The following ATP2C2 variants were observed in gnomAD, a reference collection of about 807,000 sequenced individuals.
The protein encoded by ATP2C2 is calcium-transporting ATPase type 2C member 2.
In ATP2C2, 171 loss-of-function variants were observed where a neutral mutation model predicts 110.8. The ratio of observed to expected loss-of-function variants is 1.54; its 90% confidence interval spans 1.36 to 1.75. ATP2C2 has a LOEUF of 1.75. Among genes scored for constraint, ATP2C2 ranks in the 40% most tolerant of loss-of-function variants. ATP2C2 has a pLI of 0.00. For missense variants in ATP2C2, 1,963 were observed against 1,235.0 expected (o/e 1.59, Z -8.84); for synonymous variants, 804 against 508.4 (o/e 1.58, Z -7.82).
chr16:84,441,410 C>T (rs923156518), intron 14 of ATP2C2, among the ~76,000 whole-genome samples: 1 of 152,096 alleles, frequency 6.6e-6, no homozygotes, highest in Non-Finnish European at 1.5e-5. Flanking sequence ...ATGAATTTCC[C>T]CTATTGTTAT....
At chr16:84,405,300 G>A in intron 3 of ATP2C2, 56 bp downstream of exon 3, 9 of 1,446,010 alleles carry the variant, frequency 6.2e-6, no homozygotes, top group Non-Finnish European at 8.6e-6. Flanking sequence ...CGAGGGTGGG[G>A]CAGCCATTCC....
Position 84,463,560 on chromosome 16 carries a change from G to A in ATP2C2, c.2723-54G>A, listed in dbSNP as rs149885789. ...ACTGGCAGGGAAGGCGCTTCCTGCC[G>A]GCGCAACAGAGCTGCAGCCCGTCCT... On this transcript the variant is annotated intron_variant, in intron 26 of 26. Coordinates refer to ENST00000262429, the MANE Select transcript of ATP2C2 (RefSeq NM_014861.4). 8.6e-4 allele frequency: 1,283 copies of A among 1,494,132 alleles called. 9 individuals are homozygous for A. The African/African-American group carries it at 0.011, about 13-fold the overall frequency. The allele number at this position is 1,494,132 out of a possible 1,614,324, so 92.6% of individuals were successfully genotyped here.
intron 2 of ATP2C2, among the ~76,000 whole-genome samples, chr16:84,403,075 T>A (rs1451487917): frequency 6.6e-6 from 1 of 152,212 alleles, no homozygotes; most frequent in East Asian, 1.9e-4. Context: ...GGCATATAGT[T>A]GCTCCTGGTA....
At position 84,459,153 on chromosome 16, in the gene ATP2C2, C is replaced by T. The variant is rs753276261; in HGVS notation, c.2181C>T (p.Tyr727=). Residue 727 remains tyrosine, a synonymous_variant, in exon 22 of 27, where the codon TAC becomes TAT. Transcript: ENST00000262429. ...NAVEEGKGIF[Y]NIKNFVRFQL... ...TGGAGGAAGGCAAGGGTATTTTTTA[C>T]AACATCAAAAACTTTGTCCGATTCC... 5 of 1,614,146 alleles carry T rather than the reference C, an allele frequency of 3.1e-6. No individual in the cohort carries two copies. The South Asian group carries it at 4.4e-5, about 14-fold the overall frequency.
chr16:84,459,083 G>A (rs775805571), intron 21 of ATP2C2, 37 bp from the exon 22 acceptor site: 6 of 1,609,224 alleles, frequency 3.7e-6, no homozygotes, highest in Non-Finnish European at 5.1e-6. Flanking sequence ...CCTCACGCAG[G>A]CCCGCTCCGT....
In ATP2C2 at chr16:84,447,782, AATAC is replaced by A. The variant is rs566463968; in HGVS notation, c.1504-747_1504-744del. ...ACATATAAATAATATAATGTAATAT[AATAC>A]ATATAAATAATATACAATACATATG... On this transcript the variant is annotated intron_variant, in intron 16 of 26. Coordinates refer to ENST00000262429, the MANE Select transcript of ATP2C2 (RefSeq NM_014861.4). Among the ~76,000 whole-genome samples the A allele has an allele frequency of 4.7e-3, 685 of 146,286 alleles. 6 individuals are homozygous for A. Among genetic ancestry groups the A allele is most frequent in the African/African-American group, 0.017 (658 of 39,610 alleles).
At chr16:84,405,955 G>C (rs1225039736) in intron 3 of ATP2C2, among the ~76,000 whole-genome samples, 1 of 152,198 alleles carries the variant, frequency 6.6e-6, no homozygotes, top group East Asian at 1.9e-4. Flanking sequence ...ATTTCAGATA[G>C]ATAAACAAGA....
intron 2 of ATP2C2, among the ~76,000 whole-genome samples, chr16:84,400,919 G>C (rs1905278038): frequency 6.6e-6 from 1 of 152,106 alleles, no homozygotes; most frequent in Admixed American, 6.6e-5. Context: ...CAGATTATTA[G>C]GTTTTCTCCT....
chr16:84,431,856 G>C (rs1452325792), intron 11 of ATP2C2, among the ~76,000 whole-genome samples: 1 of 152,164 alleles, frequency 6.6e-6, no homozygotes, highest in Non-Finnish European at 1.5e-5. Context: ...AGAGGCCGAA[G>C]GAAGTGGGAG....
chr16:84,427,811 C>G (rs1056622897), intron 11 of ATP2C2, among the ~76,000 whole-genome samples: 1 of 152,064 alleles, frequency 6.6e-6, no homozygotes, highest in Non-Finnish European at 1.5e-5. Context: ...TGTAGTGACT[C>G]CTAACAGTTA....
At chr16:84,413,757 C>G (rs983975874) in intron 6 of ATP2C2, among the ~76,000 whole-genome samples, 1 of 151,984 alleles carries the variant, frequency 6.6e-6, no homozygotes, top group Non-Finnish European at 1.5e-5. Context: ...TCTCTGAGAC[C>G]CATTTCCAAC....
At chr16:84,430,083 A>G (rs1040191806) in intron 11 of ATP2C2, among the ~76,000 whole-genome samples, 1 of 152,110 alleles carries the variant, frequency 6.6e-6, no homozygotes, top group African/African-American at 2.4e-5. Flanking sequence ...TAATGACCCC[A>G]TTTTTATTTG....
chr16:84,460,945 C>G lies in ATP2C2; in HGVS notation c.2481+144C>G, dbSNP rs772085697. On this transcript the variant is annotated intron_variant, in intron 24 of 26. Coordinates refer to ENST00000262429, the MANE Select transcript of ATP2C2 (RefSeq NM_014861.4). Reference sequence around the variant, plus strand: ...CCGGACAATGTGATGCCATCAGAGGCGTGGGGTGCATGAGGCAAAGGGACT... The same window carrying G: ...CCGGACAATGTGATGCCATCAGAGGGGTGGGGTGCATGAGGCAAAGGGACT... 6.6e-6 allele frequency: 8 copies of G among 1,216,160 alleles called. No homozygotes were observed. In the South Asian group the frequency reaches 1.3e-4, roughly 20 times the overall value. The allele number at this position is 1,216,160 out of a possible 1,614,324, so 75.3% of individuals were successfully genotyped here.
chr16:84,378,780 C>T (rs1341848075), intron 1 of ATP2C2, among the ~76,000 whole-genome samples: 4 of 152,126 alleles, frequency 2.6e-5, no homozygotes, highest in South Asian at 2.1e-4. Context: ...CTCAAGAAGG[C>T]GGCAGCAGAG....
rs1251595452 is a variant in ATP2C2, at chr16:84,453,462, G to A, written c.1980+91G>A. 8 of 1,528,664 alleles carry A rather than the reference G, an allele frequency of 5.2e-6. No individual in the cohort carries two copies. In the African/African-American group the frequency reaches 6.8e-5, roughly 13 times the overall value. 94.7% of individuals were successfully genotyped at this position (1,528,664 alleles called of 1,614,324 possible). On this transcript the variant is annotated intron_variant, in intron 20 of 26. Coordinates refer to ENST00000262429, the MANE Select transcript of ATP2C2 (RefSeq NM_014861.4). Reference sequence around the variant, plus strand: ...GAGCTCATGCGTCCGTCGGGTGACAGTGCAGGGCCCGACCGTGGCTTCCTT... The same window carrying A: ...GAGCTCATGCGTCCGTCGGGTGACAATGCAGGGCCCGACCGTGGCTTCCTT...
chr16:84,395,430 C>T (rs910838594), intron 1 of ATP2C2, among the ~76,000 whole-genome samples: 1 of 151,518 alleles, frequency 6.6e-6, no homozygotes, highest in Non-Finnish European at 1.5e-5. Context: ...GCTAGTCCTG[C>T]CCTCAAAGGC....
At chr16:84,433,747 C>T (rs1242033560) in intron 11 of ATP2C2, among the ~76,000 whole-genome samples, 8 of 152,108 alleles carry the variant, frequency 5.3e-5, no homozygotes, top group Non-Finnish European at 1.2e-4. Flanking sequence ...GTCTTATAAG[C>T]CATGAGAAGC....
chr16:84,379,469 C>G (rs1033631805), intron 1 of ATP2C2, among the ~76,000 whole-genome samples: 5 of 152,184 alleles, frequency 3.3e-5, no homozygotes, highest in Non-Finnish European at 5.9e-5. Context: ...CCTGGCTGAT[C>G]CTTTCTTTTG....
chr16:84,372,509 C>A (rs1049519904), intron 1 of ATP2C2, among the ~76,000 whole-genome samples: 2 of 152,154 alleles, frequency 1.3e-5, no homozygotes, highest in African/African-American at 4.8e-5. Flanking sequence ...TCTTGGCTCA[C>A]TGCAACCTCT....
Sources: gnomAD v4.1 joint callset for allele counts (sites outside exome capture counted in the v4.1 genomes callset) on GRCh38, gnomAD v4.1.1 for gene constraint, MANE v1.5 for transcripts, NCBI Gene and HGNC (gene_info 2026-07-23, HGNC 2026-07-21) for gene names.